ZNF641: variants seen among roughly 807,000 people sequenced by gnomAD.
The protein encoded by ZNF641 is zinc finger protein 641.
ZNF641 carries 26 observed loss-of-function variants against 46.2 expected under a neutral mutation model. The observed-to-expected ratio is 0.56, with a 90% CI of 0.41 to 0.78. ZNF641 has a LOEUF of 0.78. Among genes scored for constraint, ZNF641 ranks in the 30% least tolerant of loss-of-function variants. ZNF641 has a pLI of 0.00. For missense variants in ZNF641, 469 were observed against 517.8 expected, an observed-to-expected ratio of 0.91 and a Z score of 0.91; for synonymous variants, 163 against 187.9, an observed-to-expected ratio of 0.87 and a Z score of 1.09.
downstream of ZNF641, among the ~76,000 whole-genome samples, chr12:48,336,376 G>A (rs1592136210): frequency 6.6e-6 from 1 of 152,168 alleles, no homozygotes; most frequent in Non-Finnish European, 1.5e-5. Flanking sequence ...GGGGAAGCGA[G>A]AGTGAACACA....
rs1251453104 is a variant in ZNF641 at position 48,340,770 on chromosome 12, G to C, written c.*2203C>G. On this transcript the variant is annotated 3_prime_UTR_variant, in exon 6 of 6. Transcript: ENST00000547026. Reference sequence around the variant, plus strand: ...TTCAACAGGTCTGTACCCAAGACAGGTTCTGAACCATTGCTTATGCAGAGC... The same window carrying C: ...TTCAACAGGTCTGTACCCAAGACAGCTTCTGAACCATTGCTTATGCAGAGC... The C allele has an allele frequency of 2.0e-6, 2 of 985,408 alleles. No homozygotes were observed. Among genetic ancestry groups the C allele is most frequent in the Non-Finnish European group, 2.4e-6 (2 of 829,896 alleles). 61.0% of individuals were successfully genotyped at this position (985,408 alleles called of 1,614,324 possible). A position where few individuals can be genotyped will look rare whatever the true frequency, so the allele number is the denominator to read the frequency against.
At position 48,349,960 on chromosome 12, in the gene ZNF641, T is replaced by C. The variant is rs940959694; in HGVS notation, c.-26+826A>G. 7 of 1,540,832 alleles carry C rather than the reference T, an allele frequency of 4.5e-6. No individual in the cohort carries two copies. In the African/African-American group the frequency reaches 5.4e-5, roughly 12 times the overall value. The stretch of plus-strand genomic sequence containing the variant: ...GGGAAGCCTCTTTGTGCAGAGCCCA[T>C]TGGGCCAGCTGTAAGTTTTTCTATA... On this transcript the variant is annotated intron_variant, in intron 1 of 5. Transcript: ENST00000547026.
At chr12:48,350,273 A>T in intron 1 of ZNF641, 2 of 1,413,696 alleles carry the variant, frequency 1.4e-6, no homozygotes, top group Non-Finnish European at 1.8e-6. Flanking sequence ...GGGCCATGTT[A>T]TAAAAATGAG....
At position 48,343,023 on chromosome 12, in the gene ZNF641, G is replaced by A. The variant is rs1368794035; in HGVS notation, c.1225C>T (p.Gln409Ter). Residue 409 changes from glutamine to a stop codon, truncating the protein, a stop_gained, in exon 6 of 6, where the codon CAG becomes TAG. Transcript: ENST00000547026. LOFTEE classifies it high-confidence loss of function. Reference protein sequence around the residue: ...HHLDRHLLTHQGQSPRNSWDR... With the variant: ...HHLDRHLLTH ...CAGCTGTTCCGGGGACTTTGTCCCT[G>A]GTGGGTGAGCAGGTGCCTGTCCAGG... is the stretch of plus-strand genomic sequence containing the variant. 16 of 1,614,202 alleles carry A rather than the reference G, an allele frequency of 9.9e-6. No homozygotes were observed. Among genetic ancestry groups the A allele is most frequent in the Non-Finnish European group, 1.2e-5 (14 of 1,180,026 alleles).
chr12:48,343,620 C>G lies in ZNF641; in HGVS notation c.628G>C (p.Glu210Gln). ...DTVLWNPEHD[E>Q]SWDSMPSSSR... Reference sequence around the variant, plus strand: ...CTGCTGGGCATGGAATCCCAGCTCTCATCATGCTCCGGGTTCCAGAGAACA... The same window carrying G: ...CTGCTGGGCATGGAATCCCAGCTCTGATCATGCTCCGGGTTCCAGAGAACA... The change falls in exon 6 of 6, where the codon GAG becomes CAG. Residue 210 changes from glutamate (E) to glutamine (Q), a missense_variant. Physicochemically the swap from Glu to Gln is conservative, Grantham distance 29. Transcript: ENST00000547026. 6.2e-7 allele frequency: 1 copy of G among 1,600,452 alleles called. No individual in the cohort carries two copies.
chr12:48,340,565 C>T lies in ZNF641; in HGVS notation c.*2408G>A, dbSNP rs929505192. 3.0e-6 allele frequency: 3 copies of T among 985,328 alleles called. No individual in the cohort carries two copies. The highest frequency in any genetic ancestry group is 1.1e-4 in the East Asian group (1 of 8,832). The allele number at this position is 985,328 out of a possible 1,614,324, so 61.0% of individuals were successfully genotyped here. A position where few individuals can be genotyped will look rare whatever the true frequency, so the allele number is the denominator to read the frequency against. On this transcript the variant is annotated 3_prime_UTR_variant, in exon 6 of 6. Transcript: ENST00000547026. ...CCTTAATCCTTAAAATATTTAGTGA[C>T]CCTTGCCTTCTAATTCTTGACACAA...
intron 1 of ZNF641, among the ~76,000 whole-genome samples, chr12:48,349,167 T>C (rs1275770893): frequency 6.6e-6 from 1 of 152,104 alleles, no homozygotes; most frequent in African/African-American, 2.4e-5. Flanking sequence ...AAAAAATGGG[T>C]CTTGATTGCA....
chr12:48,348,374 T>C (rs754825204), intron 1 of ZNF641, among the ~76,000 whole-genome samples: 1 of 152,114 alleles, frequency 6.6e-6, no homozygotes, highest in Non-Finnish European at 1.5e-5. Flanking sequence ...AAACAGAATA[T>C]ACCTGAAGGT....
chr12:48,345,990 A>C (rs1592145958), intron 3 of ZNF641, among the ~76,000 whole-genome samples: 1 of 148,964 alleles, frequency 6.7e-6, no homozygotes. Context: ...CGCAACCTCC[A>C]CCTCCCAGGT....
downstream of ZNF641, among the ~76,000 whole-genome samples, chr12:48,335,667 T>G (rs1380962956): frequency 6.6e-6 from 1 of 152,188 alleles, no homozygotes; most frequent in Admixed American, 6.5e-5. Context: ...CATGTCTCAT[T>G]AGCAAGCCAC....
downstream of ZNF641, among the ~76,000 whole-genome samples, chr12:48,334,926 C>T (rs887338853): frequency 2.0e-5 from 3 of 152,278 alleles, no homozygotes; most frequent in Middle Eastern, 3.4e-3. Flanking sequence ...GATGTCTGCT[C>T]AGAAGGGACT....
downstream of ZNF641, among the ~76,000 whole-genome samples, chr12:48,336,243 C>T (rs141434391): frequency 2.2e-4 from 33 of 152,318 alleles, no homozygotes; most frequent in African/African-American, 6.3e-4. Context: ...ATACCATCCC[C>T]GTGCCTGCCA....
At chr12:48,346,435 G>A (rs796664802) in intron 3 of ZNF641, among the ~76,000 whole-genome samples, 7 of 152,222 alleles carry the variant, frequency 4.6e-5, no homozygotes, top group African/African-American at 1.7e-4. Flanking sequence ...CTCTGGGGGT[G>A]TACTCTATTA....
At chr12:48,345,532 A>T in intron 3 of ZNF641, 58 bp from the exon 4 acceptor site, 6 of 1,607,998 alleles carry the variant, frequency 3.7e-6, no homozygotes. Flanking sequence ...AATGTGATTC[A>T]GTATGAAAGG....
Position 48,339,891 on chromosome 12 carries a change from C to T in ZNF641, c.*3082G>A. On this transcript the variant is annotated 3_prime_UTR_variant, in exon 6 of 6. Transcript: ENST00000547026. ...AAGCTAACACTTTCGGTTACAGTCT[C>T]CTATGCAAGGGATTCTTTGAAAGAT... 1.0e-6 allele frequency: 1 copy of T among 972,504 alleles called. No individual in the cohort carries two copies. Among genetic ancestry groups the T allele is most frequent in the Non-Finnish European group, 1.2e-6 (1 of 818,154 alleles). The allele number at this position is 972,504 out of a possible 1,614,324, so 60.2% of individuals were successfully genotyped here. A position where few individuals can be genotyped will look rare whatever the true frequency, so the allele number is the denominator to read the frequency against.
At chr12:48,343,759 G>A in intron 5 of ZNF641, 32 bp from the exon 6 acceptor site, 1 of 1,445,152 alleles carries the variant, frequency 6.9e-7, no homozygotes, top group Non-Finnish European at 9.1e-7. Context: ...AACCCCAAGA[G>A]AAGAGTCACA....
rs891371449 is a variant in ZNF641, at chr12:48,340,608, T to C, written c.*2365A>G. 2 of 985,366 alleles carry C rather than the reference T, an allele frequency of 2.0e-6. No homozygotes were observed. Among genetic ancestry groups the C allele is most frequent in the Non-Finnish European group, 2.4e-6 (2 of 829,952 alleles). The allele number at this position is 985,366 out of a possible 1,614,324, so 61.0% of individuals were successfully genotyped here. ...TGACACAAATATATAATGACCATTT[T>C]AGATCGGGGAACTCCCTTTCTTTGA... On this transcript the variant is annotated 3_prime_UTR_variant, in exon 6 of 6. Coordinates refer to ENST00000547026, the MANE Select transcript of ZNF641 (RefSeq NM_001172681.2).
At position 48,343,495 on chromosome 12, in the gene ZNF641, T is replaced by C. The variant is rs1952775808; in HGVS notation, c.753A>G (p.Thr251=). The change falls in exon 6 of 6, where the codon ACA becomes ACG. Residue 251 remains threonine (T), a synonymous_variant. Transcript: ENST00000547026. ...CAAACTGTTTCCCACACTGGGGGCA[T>C]GTGTGGGGTCTTAACAGGGAATCCA... The part of the protein sequence containing the change: ...TEMDSLLRPH[T]CPQCGKQFVW... 6.2e-7 allele frequency: 1 copy of C among 1,613,696 alleles called. No homozygotes were observed. Among genetic ancestry groups the C allele is most frequent in the African/African-American group, 1.3e-5 (1 of 75,016 alleles).
intron 2 of ZNF641, 50 bp downstream of exon 2, chr12:48,347,857 A>G: frequency 2.5e-6 from 4 of 1,569,668 alleles, no homozygotes; most frequent in East Asian, 2.2e-5. Flanking sequence ...TTTGGAATAA[A>G]TATTAGGAGA....
Sources: allele counts gnomAD v4.1 joint callset (sites outside exome capture counted in the v4.1 genomes callset), GRCh38; gene constraint gnomAD v4.1.1; transcripts MANE v1.5; gene names NCBI Gene and HGNC (gene_info 2026-07-23, HGNC 2026-07-21).